ANKRD50: variants seen among roughly 807,000 people sequenced by gnomAD.
ANKRD50 encodes the protein ankyrin repeat domain-containing protein 50.
Under a neutral mutation model 112.0 loss-of-function variants are expected in ANKRD50, and 40 were observed. That is an observed-to-expected ratio of 0.36 (90% confidence interval 0.28 to 0.46). The LOEUF is 0.46. Among genes scored for constraint, ANKRD50 ranks in the 20% least tolerant of loss-of-function variants. ANKRD50 has a pLI of 1.00. For missense variants in ANKRD50, 1,487 were observed against 1,701.7 expected (o/e 0.87, Z 2.22); for synonymous variants, 613 against 619.1 (o/e 0.99, Z 0.15).
Position 124,671,600 on chromosome 4 carries a change from A to C in ANKRD50, c.1677T>G (p.Asp559Glu). The change falls in exon 4 of 5, where the codon GAT becomes GAG. Residue 559 changes from aspartate to glutamate, a missense_variant. Coordinates refer to ENST00000504087, the MANE Select transcript of ANKRD50 (RefSeq NM_020337.3). ...CCCTAGAGACAAGTAAATTGACTAC[A>C]TCAAGACTGCCACTATATGCAGCAT... Reference protein sequence around the residue: ...LANAAYSGSLDVVNLLVSRGA... With the variant: ...LANAAYSGSLEVVNLLVSRGA... The C allele has an allele frequency of 6.2e-7, 1 of 1,613,900 alleles. No homozygotes were observed. The highest frequency in any genetic ancestry group is 8.5e-7 in the Non-Finnish European group (1 of 1,179,876).
Position 124,671,270 on chromosome 4 carries a change from T to G in ANKRD50, c.2007A>C (p.Glu669Asp). The G allele has an allele frequency of 1.9e-6, 3 of 1,613,822 alleles. No homozygotes were observed. Among genetic ancestry groups the G allele is most frequent in the Non-Finnish European group, 2.5e-6 (3 of 1,179,800 alleles). ...TACCTTCATTATCAGCTTTGTTCAC[T>G]TCAGCGCCATGTTGTAGCAAATTCA... is the stretch of plus-strand genomic sequence containing the variant. ...IVLNLLQHGA[E>D]VNKADNEGRT... The change falls in exon 4 of 5, where the codon GAA (glutamate) becomes GAC (aspartate). Residue 669 changes from glutamate to aspartate, a missense_variant. This residue lies in a region of ANKRD50 where 1,046 missense variants were observed against 1,269.5 expected (regional missense o/e 0.82). Coordinates refer to ENST00000504087, the MANE Select transcript of ANKRD50 (RefSeq NM_020337.3).
At position 124,664,419 on chromosome 4, in the gene ANKRD50, T is replaced by C. The variant is rs1210353413; in HGVS notation, c.*3099A>G. 4.6e-5 allele frequency: 7 copies of C among 152,318 alleles called. No individual in the cohort carries two copies. The highest frequency in any genetic ancestry group is 7.2e-5 in the African/African-American group (3 of 41,430). The allele number at this position is 152,318 out of a possible 1,614,324, so 9.4% of individuals were successfully genotyped here. On this transcript the variant is annotated 3_prime_UTR_variant, in exon 5 of 5. Coordinates refer to ENST00000504087, the MANE Select transcript of ANKRD50 (RefSeq NM_020337.3). ...GATAATAACTTAAAACAACTAACAG[T>C]TGTTTATGCTATATGCATATCATGC... is the stretch of plus-strand genomic sequence containing the variant.
At chr4:124,672,659 CAATT>C (rs1730690876) in intron 3 of ANKRD50, 125 bp from the exon 4 acceptor site, 2 of 639,374 alleles carry the variant, frequency 3.1e-6, no homozygotes, top group Non-Finnish European at 2.5e-6. Context: ...ATAAGCAGAT[CAATT>C]AATACCTATT....
chr4:124,678,974 C>T (rs975465329), intron 2 of ANKRD50, 69 bp from the exon 3 acceptor site: 18 of 1,108,970 alleles, frequency 1.6e-5, no homozygotes, highest in Non-Finnish European at 2.2e-5. Context: ...ATTATTCAAA[C>T]ATTAGAGTAT....
intron 2 of ANKRD50, among the ~76,000 whole-genome samples, chr4:124,692,296 A>G (rs2110520372): frequency 6.6e-6 from 1 of 152,322 alleles, no homozygotes; most frequent in African/African-American, 2.4e-5. Flanking sequence ...AAAACTCTCA[A>G]GTACTAAACA....
rs1360354151 is a variant in ANKRD50, at chr4:124,667,344, T to G, written c.*174A>C. 6.6e-6 allele frequency: 1 copy of G among 152,012 alleles called. No homozygotes were observed. The highest frequency in any genetic ancestry group is 1.5e-5 in the Non-Finnish European group (1 of 67,956). 9.4% of individuals were successfully genotyped at this position (152,012 alleles called of 1,614,324 possible). On this transcript the variant is annotated 3_prime_UTR_variant, in exon 5 of 5. Coordinates refer to ENST00000504087, the MANE Select transcript of ANKRD50 (RefSeq NM_020337.3). Reference sequence around the variant, plus strand: ...ATTTTTTAAGCACAGAGGGTTACATTGAGAAGGCAGCCTTACTATTTAGGC... The same window carrying G: ...ATTTTTTAAGCACAGAGGGTTACATGGAGAAGGCAGCCTTACTATTTAGGC...
At chr4:124,695,706 T>C (rs1578588771) in intron 2 of ANKRD50, among the ~76,000 whole-genome samples, 1 of 152,230 alleles carries the variant, frequency 6.6e-6, no homozygotes, top group East Asian at 1.9e-4. Flanking sequence ...ATTTCTTATG[T>C]TGGGGGAAAG....
intron 2 of ANKRD50, among the ~76,000 whole-genome samples, chr4:124,701,987 G>A (rs1382509713): frequency 6.6e-6 from 1 of 152,092 alleles, no homozygotes; most frequent in African/African-American, 2.4e-5. Flanking sequence ...AGCTTCATAT[G>A]TCTACTGTTC....
intron 2 of ANKRD50, among the ~76,000 whole-genome samples, chr4:124,682,270 T>G (rs896404515): frequency 9.1e-5 from 13 of 143,210 alleles, no homozygotes; most frequent in Admixed American, 9.0e-4. Flanking sequence ...GAACCGAGAT[T>G]GCGCCACTGC....
At chr4:124,709,290 T>G (rs1476379301) in intron 2 of ANKRD50, among the ~76,000 whole-genome samples, 1 of 152,132 alleles carries the variant, frequency 6.6e-6, no homozygotes, top group African/African-American at 2.4e-5. Context: ...TTGAACAGAT[T>G]TGAATCTGAA....
intron 2 of ANKRD50, among the ~76,000 whole-genome samples, chr4:124,682,052 T>A (rs1724900517): frequency 6.6e-6 from 1 of 152,140 alleles, no homozygotes; most frequent in African/African-American, 2.4e-5. Context: ...AAATGCTGTG[T>A]ATGCACTTAA....
intron 2 of ANKRD50, 41 bp from the exon 3 acceptor site, chr4:124,678,946 G>A: frequency 1.4e-6 from 2 of 1,382,884 alleles, no homozygotes; most frequent in South Asian, 1.2e-5. Context: ...ATGTTAAGTG[G>A]CTATGATGTT....
intron 3 of ANKRD50, among the ~76,000 whole-genome samples, chr4:124,678,430 G>A (rs1724792716): frequency 6.6e-6 from 1 of 151,998 alleles, no homozygotes; most frequent in Non-Finnish European, 1.5e-5. Flanking sequence ...ATGTATAGCA[G>A]CAAATATGGC....
Position 124,669,339 on chromosome 4 carries a change from G to A in ANKRD50, c.3938C>T (p.Ser1313Phe). The change falls in exon 4 of 5, where the codon TCC (serine) becomes TTC (phenylalanine). Residue 1313 changes from serine to phenylalanine, a missense_variant. This residue lies in a region of ANKRD50 where 441 missense variants were observed against 432.2 expected (regional missense o/e 1.02). Coordinates refer to ENST00000504087, the MANE Select transcript of ANKRD50 (RefSeq NM_020337.3). Reference sequence around the variant, plus strand: ...TTGTTTAGGTGGTGCAGCAGTCCCGGATTTGGCTATAGGTCCTCTTCTATC... The same window carrying A: ...TTGTTTAGGTGGTGCAGCAGTCCCGAATTTGGCTATAGGTCCTCTTCTATC... ...QFDRRGPIAKSGTAAPPKQMP... is the reference protein window; with the variant it reads ...QFDRRGPIAKFGTAAPPKQMP... 2 of 1,613,684 alleles carry A rather than the reference G, an allele frequency of 1.2e-6. No individual in the cohort carries two copies. Among genetic ancestry groups the A allele is most frequent in the Non-Finnish European group, 8.5e-7 (1 of 1,179,798 alleles).
At position 124,710,154 on chromosome 4, in the gene ANKRD50, T is replaced by C. The variant is rs1248034612; in HGVS notation, c.358A>G (p.Thr120Ala). The stretch of plus-strand genomic sequence containing the variant: ...CTAATAAACCCTCCAACACACAAAG[T>C]ATCAGAGTCCTGGGCTTTGCAGAAA... ...FHFCKAQDSD[T>A]LCVGGFIRGL... Residue 120 changes from threonine to alanine, a missense_variant, in exon 2 of 5, where the codon ACT becomes GCT. By Grantham distance (58) the Thr-to-Ala change is moderately conservative. This residue lies in a region of ANKRD50 where 1,046 missense variants were observed against 1,269.5 expected (regional missense o/e 0.82). Coordinates refer to ENST00000504087, the MANE Select transcript of ANKRD50 (RefSeq NM_020337.3). 1 of 1,613,988 alleles carries C rather than the reference T, an allele frequency of 6.2e-7. No individual in the cohort carries two copies. Among genetic ancestry groups the C allele is most frequent in the Non-Finnish European group, 8.5e-7 (1 of 1,180,038 alleles).
chr4:124,673,986 C>T (rs545490714), intron 3 of ANKRD50, among the ~76,000 whole-genome samples: 4 of 152,062 alleles, frequency 2.6e-5, no homozygotes, highest in Admixed American at 2.6e-4. Context: ...AGTCACTGCT[C>T]ACCTAAGGAG....
chr4:124,672,210 A>G lies in ANKRD50; in HGVS notation c.1067T>C (p.Val356Ala). 1 of 1,613,880 alleles carries G rather than the reference A, an allele frequency of 6.2e-7. No homozygotes were observed. The highest frequency in any genetic ancestry group is 8.5e-7 in the Non-Finnish European group (1 of 1,179,858). ...CAAAGGTCGGCAGGCTGCAAGAATC[A>G]CATTCAAAATAGGCTGAACCTTTGC... ...QFAKVQPILN[V>A]ILAACRPLTI... is the part of the protein sequence containing the mutation. The change falls in exon 4 of 5, where the codon GTG (valine) becomes GCG (alanine). Residue 356 changes from valine (V) to alanine (A), a missense_variant. Physicochemically the swap from Val to Ala is moderately conservative, Grantham distance 64. Transcript: ENST00000504087.
chr4:124,710,880 C>A lies in ANKRD50; in HGVS notation c.-369G>T, dbSNP rs1013316083. 19 of 421,386 alleles carry A rather than the reference C, an allele frequency of 4.5e-5. No individual in the cohort carries two copies. Among genetic ancestry groups the A allele is most frequent in the Non-Finnish European group, 7.2e-5 (17 of 237,752 alleles). 26.1% of individuals were successfully genotyped at this position (421,386 alleles called of 1,614,324 possible). A position where few individuals can be genotyped will look rare whatever the true frequency, so the allele number is the denominator to read the frequency against. ...CATGTGGAAAACTAAAGAAAAAACC[C>A]AATCTTTCAATTTGTACAAAATGCT... On this transcript the variant is annotated 5_prime_UTR_variant, in exon 2 of 5. Coordinates refer to ENST00000504087, the MANE Select transcript of ANKRD50 (RefSeq NM_020337.3).
intron 2 of ANKRD50, among the ~76,000 whole-genome samples, chr4:124,691,498 CAAA>C (rs71583369): frequency 1.8e-4 from 11 of 59,766 alleles, no homozygotes; most frequent in South Asian, 1.1e-3. Context: ...GACTCCGTCT[CAAA>C]AAAAAAAAAA....
Sources: gnomAD v4.1 joint callset for allele counts (sites outside exome capture counted in the v4.1 genomes callset) on GRCh38, gnomAD v4.1.1 for gene constraint, gnomAD v4.1.1 regional missense constraint, MANE v1.5 for transcripts, NCBI Gene and HGNC (gene_info 2026-07-23, HGNC 2026-07-21) for gene names.